Variants in RBPMS2 observed in about 807,000 individuals in gnomAD.
The protein encoded by RBPMS2 is RNA binding protein, mRNA processing factor 2.
Under a neutral mutation model 25.7 loss-of-function variants are expected in RBPMS2, and 14 were observed. The ratio of observed to expected loss-of-function variants is 0.55; its 90% CI spans 0.36 to 0.85. The LOEUF (loss-of-function observed/expected upper bound fraction) is 0.85, where lower values mean the gene tolerates loss of function less well. Ranked by LOEUF, RBPMS2 falls within the 40% of genes least tolerant of loss-of-function variation. The pLI is 0.01. For missense variants in RBPMS2, 252 were observed against 283.4 expected, an observed-to-expected ratio of 0.89 and a Z score of 0.80; for synonymous variants, 127 against 115.6, an observed-to-expected ratio of 1.10 and a Z score of -0.63.
chr15:64,747,360 C>G (rs1221845407), intron 6 of RBPMS2, among the ~76,000 whole-genome samples: 1 of 152,204 alleles, frequency 6.6e-6, no homozygotes, highest in Non-Finnish European at 1.5e-5. Flanking sequence ...TCAGCTCTGG[C>G]TCCTGTGAAC....
intron 1 of RBPMS2, among the ~76,000 whole-genome samples, chr15:64,766,619 G>A (rs1187429080): frequency 1.3e-5 from 2 of 151,422 alleles, no homozygotes; most frequent in African/African-American, 2.4e-5. Context: ...TCTGCCTCCC[G>A]GGTTCACGCC....
At chr15:64,773,349 C>T (rs908854152) in intron 1 of RBPMS2, among the ~76,000 whole-genome samples, 2 of 152,190 alleles carry the variant, frequency 1.3e-5, no homozygotes, top group African/African-American at 2.4e-5. Context: ...CTTACCAGAC[C>T]AGACAGACAC....
At chr15:64,761,990 A>T (rs530151009) in intron 1 of RBPMS2, among the ~76,000 whole-genome samples, 5 of 152,060 alleles carry the variant, frequency 3.3e-5, no homozygotes, top group Non-Finnish European at 7.4e-5. Flanking sequence ...GATTACAAGC[A>T]TGAGCCACTG....
intron 1 of RBPMS2, chr15:64,762,490 C>T: frequency 1.9e-6 from 1 of 534,804 alleles, no homozygotes; most frequent in South Asian, 1.4e-5. Context: ...TTGCTGCCAT[C>T]ATCATCGCAC....
chr15:64,762,434 G>A (rs1389514558), intron 1 of RBPMS2: 2 of 534,750 alleles, frequency 3.7e-6, no homozygotes, highest in Non-Finnish European at 7.7e-6. Context: ...ACATTTCTAA[G>A]TTTACGGCTT....
rs1420014499 is a variant in RBPMS2 at position 64,773,942 on chromosome 15, C to T, written c.87+1291G>A. Among the ~76,000 whole-genome samples the T allele has an allele frequency of 2.0e-5, 3 of 152,396 alleles. No individual in the cohort carries two copies. The East Asian group carries it at 5.8e-4, about 29-fold the overall frequency. On this transcript the variant is annotated intron_variant, in intron 1 of 7. Coordinates refer to ENST00000300069, the MANE Select transcript of RBPMS2 (RefSeq NM_194272.3). ...CTCTGGAGCCCAAACAAATCCACCA[C>T]ACTTAAGTCATTAGTGGACAGATGT...
intron 1 of RBPMS2, among the ~76,000 whole-genome samples, chr15:64,765,868 C>G (rs1282842533): frequency 6.6e-6 from 1 of 152,042 alleles, no homozygotes; most frequent in East Asian, 1.9e-4. Flanking sequence ...TGGAAGGCAC[C>G]TGTAATCCCA....
Position 64,775,358 on chromosome 15 carries a change from G to A in RBPMS2, c.-39C>T. ...GGGCGGCGGGAAGGAACGCGAGGGCGAGCGCGGCGCCGGCCCCGCGGGAAG... is the reference window on the plus strand; with the variant it reads ...GGGCGGCGGGAAGGAACGCGAGGGCAAGCGCGGCGCCGGCCCCGCGGGAAG... On this transcript the variant is annotated 5_prime_UTR_variant, in exon 1 of 8. Coordinates refer to ENST00000300069, the MANE Select transcript of RBPMS2 (RefSeq NM_194272.3). The A allele has an allele frequency of 8.5e-7, 1 of 1,182,416 alleles. No individual in the cohort carries two copies. The allele number at this position is 1,182,416 out of a possible 1,614,324, so 73.2% of individuals were successfully genotyped here. A position where few individuals can be genotyped will look rare whatever the true frequency, so the allele number is the denominator to read the frequency against.
intron 1 of RBPMS2, among the ~76,000 whole-genome samples, chr15:64,765,912 G>C (rs148923625): frequency 2.0e-5 from 3 of 152,022 alleles, no homozygotes; most frequent in Non-Finnish European, 4.4e-5. Context: ...AGAATTGCTT[G>C]AACCTGGGAG....
At chr15:64,769,937 T>C (rs865930579) in intron 1 of RBPMS2, among the ~76,000 whole-genome samples, 1 of 152,086 alleles carries the variant, frequency 6.6e-6, no homozygotes, top group Non-Finnish European at 1.5e-5. Context: ...TCCCAGCACT[T>C]TGGGAGGCCG....
chr15:64,751,109 C>G (rs1411912324), intron 2 of RBPMS2, among the ~76,000 whole-genome samples: 3 of 151,976 alleles, frequency 2.0e-5, no homozygotes, highest in Admixed American at 2.0e-4. Flanking sequence ...CCGGGGCGGG[C>G]GGATCACGAG....
intron 1 of RBPMS2, among the ~76,000 whole-genome samples, chr15:64,752,680 G>A (rs2083694271): frequency 6.6e-6 from 1 of 151,094 alleles, no homozygotes; most frequent in South Asian, 2.1e-4. Context: ...GCGCCATCTC[G>A]GCTCACTGCA....
intron 3 of RBPMS2, among the ~76,000 whole-genome samples, chr15:64,750,049 TC>T (rs1472027847): frequency 6.9e-6 from 1 of 145,544 alleles, no homozygotes; most frequent in Non-Finnish European, 1.5e-5. Flanking sequence ...AGAGCAAAAC[TC>T]CATCTCAAAA....
rs1567064852 is a variant in RBPMS2 at position 64,750,280 on chromosome 15, C to T, written c.204+63G>A. The T allele has an allele frequency of 1.1e-5, 15 of 1,413,396 alleles. No individual in the cohort carries two copies. The East Asian group carries it at 2.7e-4, about 26-fold the overall frequency. 87.6% of individuals were successfully genotyped at this position (1,413,396 alleles called of 1,614,324 possible). Reference sequence around the variant, plus strand: ...CTAGATTAGGGAAGGGTTAACGGGCCCTTGTTTGAAGCTCAGCAGCCGGTC... The same window carrying T: ...CTAGATTAGGGAAGGGTTAACGGGCTCTTGTTTGAAGCTCAGCAGCCGGTC... On this transcript the variant is annotated intron_variant, in intron 3 of 7. Transcript: ENST00000300069.
Position 64,749,019 on chromosome 15 carries a change from G to T in RBPMS2, c.399C>A (p.His133Gln). ...ACTCACAGGGGTCCCGTGCGATGAA[G>T]TGTGCTCCTAGGGCGGGGTGCACGT... ...PSNVHPALGA[H>Q]FIARDPYDLM... The change falls in exon 5 of 8, where the codon CAC becomes CAA. Residue 133 changes from histidine to glutamine, a missense_variant. His to Gln is a conservative substitution (Grantham distance 24, BLOSUM62 0). Coordinates refer to ENST00000300069, the MANE Select transcript of RBPMS2 (RefSeq NM_194272.3). The T allele has an allele frequency of 6.2e-7, 1 of 1,614,204 alleles. No individual in the cohort carries two copies. Among genetic ancestry groups the T allele is most frequent in the Non-Finnish European group, 8.5e-7 (1 of 1,180,030 alleles).
rs1449105288 is a variant in RBPMS2 at position 64,749,157 on chromosome 15, G to A, written c.268-7C>T. On this transcript the variant is annotated splice_region_variant and splice_polypyrimidine_tract_variant and intron_variant, in intron 4 of 7. Transcript: ENST00000300069. Reference sequence around the variant, plus strand: ...CGGGATCAAAGCGAATACCCTACATGGGTAGAGAAAAGAAGAGAAAGGCTT... The same window carrying A: ...CGGGATCAAAGCGAATACCCTACATAGGTAGAGAAAAGAAGAGAAAGGCTT... The A allele has an allele frequency of 6.8e-6, 11 of 1,614,008 alleles. No individual in the cohort carries two copies. Among genetic ancestry groups the A allele is most frequent in the Non-Finnish European group, 9.3e-6 (11 of 1,179,910 alleles).
At chr15:64,771,315 G>A (rs143493215) in intron 1 of RBPMS2, among the ~76,000 whole-genome samples, 74 of 152,280 alleles carry the variant, frequency 4.9e-4, no homozygotes, top group East Asian at 2.9e-3. Context: ...TATCTGAGGC[G>A]GATTGGTTCC....
intron 6 of RBPMS2, among the ~76,000 whole-genome samples, chr15:64,747,162 G>C (rs1176089770): frequency 6.6e-6 from 1 of 152,196 alleles, no homozygotes; most frequent in Non-Finnish European, 1.5e-5. Flanking sequence ...TCTGCCCTCA[G>C]TACAACTGAA....
At chr15:64,751,450 T>G (rs1204677145) in intron 2 of RBPMS2, 111 bp downstream of exon 2, 2 of 861,814 alleles carry the variant, frequency 2.3e-6, no homozygotes, top group Non-Finnish European at 3.8e-6. Flanking sequence ...CCCCACAGCT[T>G]CTGCCACGCC....
Sources: allele counts gnomAD v4.1 joint callset (sites outside exome capture counted in the v4.1 genomes callset), GRCh38; gene constraint gnomAD v4.1.1; transcripts MANE v1.5; gene names NCBI Gene and HGNC (gene_info 2026-07-23, HGNC 2026-07-21).